The following PRKD1 variants were observed in gnomAD, a reference collection of about 807,000 sequenced individuals.
PRKD1 encodes the protein protein kinase D1.
A neutral mutation model predicts 95.9 loss-of-function variants in PRKD1; 63 were observed. That is an observed-to-expected ratio of 0.66 (90% CI 0.54 to 0.81). PRKD1 has a LOEUF of 0.81. Ranked by LOEUF, PRKD1 falls within the 30% of genes least tolerant of loss-of-function variation. The pLI is 0.00. For synonymous variants in PRKD1, 425 were observed against 423.1 expected (o/e 1.00, Z -0.05); for missense variants, 1,048 against 1,165.3 (o/e 0.90, Z 1.47).
At chr14:29,602,000 C>T (rs1893536522) in intron 13 of PRKD1, among the ~76,000 whole-genome samples, 1 of 152,204 alleles carries the variant, frequency 6.6e-6, no homozygotes, top group South Asian at 2.1e-4. Context: ...GCAAAGTACA[C>T]GTTCCTCTTT....
chr14:29,613,027 G>A (rs1380068052), intron 13 of PRKD1, among the ~76,000 whole-genome samples: 1 of 152,174 alleles, frequency 6.6e-6, no homozygotes, highest in Admixed American at 6.5e-5. Context: ...GAACTCGGGA[G>A]GTGGAGCTTG....
chr14:29,812,221 A>G (rs1193416136), intron 1 of PRKD1, among the ~76,000 whole-genome samples: 1 of 152,214 alleles, frequency 6.6e-6, no homozygotes, highest in African/African-American at 2.4e-5. Context: ...ACTCCATATT[A>G]TAATTATCAC....
chr14:29,635,465 G>T (rs982573479), intron 7 of PRKD1, among the ~76,000 whole-genome samples: 3 of 152,014 alleles, frequency 2.0e-5, no homozygotes, highest in African/African-American at 7.2e-5. Context: ...TTTAAAAAAT[G>T]TTCATTATGC....
chr14:29,898,939 G>A (rs1337603388), intron 1 of PRKD1, among the ~76,000 whole-genome samples: 1 of 152,110 alleles, frequency 6.6e-6, no homozygotes, highest in Admixed American at 6.5e-5. Context: ...CTATGGGCTG[G>A]CAAATTTTAA....
intron 1 of PRKD1, among the ~76,000 whole-genome samples, chr14:29,903,271 C>T (rs12432122): frequency 6.6e-6 from 1 of 152,194 alleles, no homozygotes; most frequent in African/African-American, 2.4e-5. Flanking sequence ...TCGAAACGGG[C>T]TAATGGCATC....
At chr14:29,725,271 G>A (rs1886082432) in intron 2 of PRKD1, among the ~76,000 whole-genome samples, 1 of 152,108 alleles carries the variant, frequency 6.6e-6, no homozygotes, top group Non-Finnish European at 1.5e-5. Context: ...GCTGAATGAC[G>A]CCATCTGTAT....
intron 1 of PRKD1, among the ~76,000 whole-genome samples, chr14:29,739,674 C>T (rs2139430976): frequency 6.6e-6 from 1 of 152,244 alleles, no homozygotes; most frequent in South Asian, 2.1e-4. Context: ...ACTCGCTTAA[C>T]CTTTGGGGAA....
At chr14:29,750,419 C>G (rs1887421669) in intron 1 of PRKD1, among the ~76,000 whole-genome samples, 1 of 152,086 alleles carries the variant, frequency 6.6e-6, no homozygotes, top group Non-Finnish European at 1.5e-5. Context: ...TAAAAACACT[C>G]CTAATACTAA....
At chr14:29,911,104 G>A (rs774065827) in intron 1 of PRKD1, among the ~76,000 whole-genome samples, 28 of 152,016 alleles carry the variant, frequency 1.8e-4, no homozygotes, top group Non-Finnish European at 3.1e-4. Context: ...GTGTGGTATC[G>A]GAATATTGAA....
At chr14:29,866,815 A>G (rs1371931203) in intron 1 of PRKD1, among the ~76,000 whole-genome samples, 1 of 152,202 alleles carries the variant, frequency 6.6e-6, no homozygotes, top group African/African-American at 2.4e-5. Context: ...AGTTAGAATG[A>G]TAAAAGTATT....
At chr14:29,657,659 G>A (rs1010559903) in intron 4 of PRKD1, 2 of 152,408 alleles carry the variant, frequency 1.3e-5, no homozygotes, top group Non-Finnish European at 1.5e-5. Context: ...GAGGTCAGGA[G>A]ATTGAGACCA....
intron 1 of PRKD1, among the ~76,000 whole-genome samples, chr14:29,916,902 C>G (rs1289847424): frequency 6.6e-6 from 1 of 152,114 alleles, no homozygotes; most frequent in Non-Finnish European, 1.5e-5. Flanking sequence ...GTGTGTTCCT[C>G]CCTAAATTCT....
At chr14:29,774,934 A>G in intron 1 of PRKD1, among the ~76,000 whole-genome samples, 1 of 152,200 alleles carries the variant, frequency 6.6e-6, no homozygotes, top group Non-Finnish European at 1.5e-5. Context: ...GAGAGGTTGG[A>G]AAACCAGACT....
At chr14:29,852,075 T>C (rs373935791) in intron 1 of PRKD1, among the ~76,000 whole-genome samples, 1 of 152,074 alleles carries the variant, frequency 6.6e-6, no homozygotes, top group Non-Finnish European at 1.5e-5. Flanking sequence ...CACTGGAGAC[T>C]ACAAGGCGGG....
chr14:29,609,505 T>TGCACACAC (rs1555327725), intron 13 of PRKD1, among the ~76,000 whole-genome samples: 1 of 34,044 alleles, frequency 2.9e-5, no homozygotes, highest in Non-Finnish European at 6.8e-5. Flanking sequence ...TGTGTGTGCG[T>TGCACACAC]GCACACACAC....
intron 1 of PRKD1, among the ~76,000 whole-genome samples, chr14:29,776,539 G>A (rs1051920844): frequency 6.6e-6 from 1 of 152,164 alleles, no homozygotes; most frequent in Non-Finnish European, 1.5e-5. Context: ...GGAAGAAAGG[G>A]TATCAGTGAT....
At chr14:29,878,341 CA>C (rs58074850) in intron 1 of PRKD1, among the ~76,000 whole-genome samples, 792 of 49,840 alleles carry the variant, frequency 0.016, 2 homozygotes, top group South Asian at 0.022. Context: ...GTTCTAATGA[CA>C]AAAAAAAAAA....
At chr14:29,676,192 T>TTTTTTTTTTTTTTAG (rs1566532348) in intron 2 of PRKD1, among the ~76,000 whole-genome samples, 1 of 128,528 alleles carries the variant, frequency 7.8e-6, no homozygotes, top group African/African-American at 3.1e-5. Flanking sequence ...TGTTTTTTTT[T>TTTTTTTTTTTTTTAG]TTTTTTTTTT....
intron 1 of PRKD1, among the ~76,000 whole-genome samples, chr14:29,780,298 T>G (rs1249034377): frequency 6.6e-6 from 1 of 152,040 alleles, no homozygotes; most frequent in Non-Finnish European, 1.5e-5. Flanking sequence ...GGGATCTAAT[T>G]AAACTAAAGA....
Sources: gnomAD v4.1 joint callset for allele counts (sites outside exome capture counted in the v4.1 genomes callset) on GRCh38, gnomAD v4.1.1 for gene constraint, MANE v1.5 for transcripts, NCBI Gene and HGNC (gene_info 2026-07-23, HGNC 2026-07-21) for gene names.